Variants in SLC4A10 observed in about 807,000 individuals in gnomAD.
SLC4A10 encodes the protein sodium-driven chloride bicarbonate exchanger.
A neutral mutation model predicts 137.7 loss-of-function variants in SLC4A10; 42 were observed. The observed-to-expected ratio is 0.30, with a 90% CI of 0.24 to 0.39. The LOEUF (loss-of-function observed/expected upper bound fraction) is 0.39. Ranked by LOEUF, SLC4A10 falls within the 10% of genes least tolerant of loss-of-function variation. The pLI, the probability that SLC4A10 is intolerant of heterozygous loss-of-function variation, is 1.00. For missense variants in SLC4A10, 925 were observed against 1,355.0 expected, an observed-to-expected ratio of 0.68 and a Z score of 4.98; for synonymous variants, 474 against 464.1, an observed-to-expected ratio of 1.02 and a Z score of -0.27.
chr2:161,881,267 A>G (rs2061758709), intron 9 of SLC4A10, among the ~76,000 whole-genome samples: 1 of 152,036 alleles, frequency 6.6e-6, no homozygotes, highest in Non-Finnish European at 1.5e-5. Context: ...GAAAAATAGC[A>G]AGATGTACAT....
At chr2:161,965,905 G>A (rs548042657) in intron 23 of SLC4A10, among the ~76,000 whole-genome samples, 4 of 152,146 alleles carry the variant, frequency 2.6e-5, no homozygotes, top group South Asian at 2.1e-4. Flanking sequence ...AATAACTAGC[G>A]TAACATTTAG....
At chr2:161,782,002 G>A (rs1407605411) in intron 2 of SLC4A10, among the ~76,000 whole-genome samples, 2 of 152,050 alleles carry the variant, frequency 1.3e-5, no homozygotes, top group South Asian at 4.1e-4. Context: ...ACTGGCTTCT[G>A]TCTTCTCTGT....
chr2:161,889,811 A>T (rs1220012250), intron 10 of SLC4A10, among the ~76,000 whole-genome samples: 1 of 151,132 alleles, frequency 6.6e-6, no homozygotes, highest in Non-Finnish European at 1.5e-5. Flanking sequence ...GACCTTAGTT[A>T]TTTCTTCTCT....
chr2:161,832,986 C>T (rs1040217457), intron 3 of SLC4A10, among the ~76,000 whole-genome samples: 5 of 152,208 alleles, frequency 3.3e-5, no homozygotes, highest in Admixed American at 1.3e-4. Context: ...GTGATCCGCC[C>T]GCCTCAGTCT....
At chr2:161,785,158 C>T (rs1308987033) in intron 2 of SLC4A10, among the ~76,000 whole-genome samples, 2 of 151,432 alleles carry the variant, frequency 1.3e-5, no homozygotes, top group African/African-American at 4.8e-5. Flanking sequence ...TTCCTAGGAA[C>T]ATAAAATCTA....
chr2:161,743,550 T>C (rs1030724648), intron 1 of SLC4A10, among the ~76,000 whole-genome samples: 2 of 152,192 alleles, frequency 1.3e-5, no homozygotes, highest in African/African-American at 4.8e-5. Flanking sequence ...AGTCAGGTAA[T>C]GTGATTCCTC....
At chr2:161,913,063 A>G (rs1686237215) in intron 15 of SLC4A10, among the ~76,000 whole-genome samples, 1 of 152,168 alleles carries the variant, frequency 6.6e-6, no homozygotes, top group Non-Finnish European at 1.5e-5. Flanking sequence ...TCAGTGAGCT[A>G]ATGAAACAGA....
At chr2:161,951,414 A>G (rs1351318524) in intron 19 of SLC4A10, among the ~76,000 whole-genome samples, 1 of 152,198 alleles carries the variant, frequency 6.6e-6, no homozygotes, top group East Asian at 1.9e-4. Flanking sequence ...TGTCTTAGTT[A>G]CATTCTGACC....
chr2:161,630,881 T>C (rs1250332392), intron 1 of SLC4A10, among the ~76,000 whole-genome samples: 1 of 151,696 alleles, frequency 6.6e-6, no homozygotes, highest in East Asian at 1.9e-4. Flanking sequence ...AGTGCTAAGC[T>C]AGGATTTGAA....
intron 2 of SLC4A10, among the ~76,000 whole-genome samples, chr2:161,787,183 A>G (rs982642344): frequency 3.3e-5 from 5 of 152,060 alleles, no homozygotes; most frequent in Non-Finnish European, 7.4e-5. Flanking sequence ...TATGAAGCTT[A>G]GTTAGGCAGG....
chr2:161,976,659 C>A, intron 24 of SLC4A10, 101 bp from the exon 25 acceptor site: 2 of 529,424 alleles, frequency 3.8e-6, no homozygotes, highest in Non-Finnish European at 6.5e-6. Context: ...GAAAAATATT[C>A]TTCATAGATA....
intron 15 of SLC4A10, among the ~76,000 whole-genome samples, chr2:161,941,038 A>G (rs1040877209): frequency 2.6e-5 from 4 of 152,228 alleles, no homozygotes; most frequent in Non-Finnish European, 5.9e-5. Flanking sequence ...ATTGTAAAAA[A>G]TAACAGAACA....
intron 23 of SLC4A10, among the ~76,000 whole-genome samples, chr2:161,972,411 T>C (rs1452270273): frequency 1.3e-5 from 2 of 152,200 alleles, no homozygotes; most frequent in African/African-American, 4.8e-5. Context: ...AACTCAGCTG[T>C]AAGGCAAGCC....
At chr2:161,854,489 C>T (rs1229521342) in intron 4 of SLC4A10, among the ~76,000 whole-genome samples, 1 of 152,116 alleles carries the variant, frequency 6.6e-6, no homozygotes, top group Non-Finnish European at 1.5e-5. Flanking sequence ...AAGGATTTTT[C>T]CTATGCAACA....
chr2:161,974,294 C>T lies in SLC4A10; in HGVS notation c.3205C>T (p.Leu1069Phe). 2 of 1,607,670 alleles carry T rather than the reference C, an allele frequency of 1.2e-6. No individual in the cohort carries two copies. The highest frequency in any genetic ancestry group is 3.3e-4 in the Middle Eastern group (2 of 6,048). ...TATGGAAGATGAGGGCACAGTACAA[C>T]TCCCATTGGAAGGGCACTATAGGTA... Reference protein sequence around the residue: ...LAMEDEGTVQLPLEGHYRDDP... With the variant: ...LAMEDEGTVQFPLEGHYRDDP... The change falls in exon 24 of 27, where the codon CTC (leucine) becomes TTC (phenylalanine). Residue 1069 changes from leucine to phenylalanine, a missense_variant. By Grantham distance (22) the Leu-to-Phe change is conservative. Transcript: ENST00000446997.
intron 23 of SLC4A10, among the ~76,000 whole-genome samples, chr2:161,966,020 T>C (rs529626992): frequency 6.7e-4 from 102 of 152,316 alleles, no homozygotes; most frequent in Admixed American, 2.4e-3. Context: ...TTTTTCTCTA[T>C]AAGTAGTCAG....
intron 15 of SLC4A10, among the ~76,000 whole-genome samples, chr2:161,909,208 T>C (rs898498708): frequency 2.0e-5 from 3 of 151,832 alleles, no homozygotes; most frequent in Admixed American, 2.0e-4. Flanking sequence ...ATTGTGTACA[T>C]GTACCCTAAA....
intron 2 of SLC4A10, among the ~76,000 whole-genome samples, chr2:161,775,939 T>C (rs2052272192): frequency 6.6e-6 from 1 of 151,924 alleles, no homozygotes; most frequent in Admixed American, 6.6e-5. Context: ...GTGCTGTAAT[T>C]TCAGCCATTT....
chr2:161,943,774 A>G (rs1693186297), intron 16 of SLC4A10, among the ~76,000 whole-genome samples: 1 of 152,024 alleles, frequency 6.6e-6, no homozygotes, highest in Non-Finnish European at 1.5e-5. Context: ...GCACAAAACT[A>G]TTGAGTTCTA....
Sources: allele counts gnomAD v4.1 joint callset (sites outside exome capture counted in the v4.1 genomes callset), GRCh38; gene constraint gnomAD v4.1.1; transcripts MANE v1.5; gene names NCBI Gene and HGNC (gene_info 2026-07-23, HGNC 2026-07-21).